SLC10A7: variants seen among roughly 807,000 people sequenced by gnomAD.
SLC10A7 encodes sodium/bile acid cotransporter 7.
A neutral mutation model predicts 43.2 loss-of-function variants in SLC10A7; 29 were observed. The observed-to-expected ratio is 0.67, with a 90% CI of 0.50 to 0.92. SLC10A7 has a LOEUF of 0.92. Ranked by LOEUF, SLC10A7 falls within the 40% of genes least tolerant of loss-of-function variation. SLC10A7 has a pLI of 0.00. For synonymous variants in SLC10A7, 152 were observed against 144.8 expected, an observed-to-expected ratio of 1.05 and a Z score of -0.35; for missense variants, 295 against 403.2, an observed-to-expected ratio of 0.73 and a Z score of 2.30.
intron 5 of SLC10A7, among the ~76,000 whole-genome samples, chr4:146,392,673 T>G (rs1455938994): frequency 6.6e-6 from 1 of 152,160 alleles, no homozygotes; most frequent in Non-Finnish European, 1.5e-5. Context: ...CAAAGGTCCC[T>G]TAAGAGATGA....
At chr4:146,414,255 T>C (rs1728409533) in intron 5 of SLC10A7, among the ~76,000 whole-genome samples, 1 of 152,092 alleles carries the variant, frequency 6.6e-6, no homozygotes, top group Non-Finnish European at 1.5e-5. Context: ...AAATAAGCGT[T>C]AAATAAAACT....
At chr4:146,260,401 T>A (rs1728150604) in intron 10 of SLC10A7, among the ~76,000 whole-genome samples, 1 of 152,184 alleles carries the variant, frequency 6.6e-6, no homozygotes, top group Non-Finnish European at 1.5e-5. Context: ...AGGGAGCAAG[T>A]GATAGAAGTA....
chr4:146,483,984 G>T (rs563659461), intron 4 of SLC10A7, among the ~76,000 whole-genome samples: 5 of 152,178 alleles, frequency 3.3e-5, no homozygotes, highest in Non-Finnish European at 5.9e-5. Flanking sequence ...TATAAAGCAA[G>T]AATTAATGGA....
At chr4:146,335,356 T>A (rs1350241946) in intron 5 of SLC10A7, among the ~76,000 whole-genome samples, 1 of 151,076 alleles carries the variant, frequency 6.6e-6, no homozygotes, top group Non-Finnish European at 1.5e-5. Flanking sequence ...TTGGTGTCAT[T>A]TCCCCTTGTC....
intron 5 of SLC10A7, among the ~76,000 whole-genome samples, chr4:146,438,829 A>G (rs976359146): frequency 3.9e-5 from 6 of 152,056 alleles, no homozygotes; most frequent in Non-Finnish European, 8.8e-5. Flanking sequence ...AAAAATTTCA[A>G]TTAGAATTTT....
intron 5 of SLC10A7, among the ~76,000 whole-genome samples, chr4:146,433,412 T>C (rs976785266): frequency 6.6e-6 from 1 of 152,012 alleles, no homozygotes; most frequent in African/African-American, 2.4e-5. Context: ...TATAATAGAA[T>C]AATTTGAAAT....
chr4:146,286,816 C>CA (rs1338081872), intron 9 of SLC10A7, among the ~76,000 whole-genome samples: 2 of 10,384 alleles, frequency 1.9e-4, no homozygotes, highest in African/African-American at 8.4e-4. Flanking sequence ...GTGAGAAGGA[C>CA]TGTTTGGAGT....
At chr4:146,497,222 A>C (rs369622712) in intron 4 of SLC10A7, among the ~76,000 whole-genome samples, 2 of 152,352 alleles carry the variant, frequency 1.3e-5, no homozygotes, top group East Asian at 3.9e-4. Flanking sequence ...ACAATCAAAA[A>C]ACCACAAATA....
At chr4:146,510,114 C>G (rs1737315468) in intron 2 of SLC10A7, 65 bp from the exon 3 acceptor site, 1 of 1,471,920 alleles carries the variant, frequency 6.8e-7, no homozygotes, top group Non-Finnish European at 9.1e-7. Flanking sequence ...GAGATCCCTA[C>G]TAAAATAACA....
intron 5 of SLC10A7, among the ~76,000 whole-genome samples, chr4:146,403,255 C>A (rs981330367): frequency 5.9e-5 from 9 of 152,096 alleles, no homozygotes; most frequent in African/African-American, 1.9e-4. Flanking sequence ...CAGCCATTTT[C>A]TTTCTGGAAC....
intron 1 of SLC10A7, 21 bp downstream of exon 1, chr4:146,521,597 C>T: frequency 6.3e-7 from 1 of 1,598,658 alleles, no homozygotes. Flanking sequence ...GCGGTGGAGC[C>T]GGCAGAGGTG....
chr4:146,482,308 A>T (rs551918478), intron 4 of SLC10A7, among the ~76,000 whole-genome samples: 2 of 152,354 alleles, frequency 1.3e-5, no homozygotes, highest in South Asian at 4.1e-4. Flanking sequence ...AGGAATTTAA[A>T]AATAATGATC....
chr4:146,369,410 G>T (rs1052438394), intron 5 of SLC10A7, among the ~76,000 whole-genome samples: 1 of 152,062 alleles, frequency 6.6e-6, no homozygotes, highest in Non-Finnish European at 1.5e-5. Context: ...AGTCTTTTTG[G>T]ACAAATATAT....
At chr4:146,292,538 T>C (rs1730508589) in intron 9 of SLC10A7, among the ~76,000 whole-genome samples, 1 of 152,196 alleles carries the variant, frequency 6.6e-6, no homozygotes, top group South Asian at 2.1e-4. Context: ...TGACTCCATT[T>C]TGAATATCTT....
intron 5 of SLC10A7, among the ~76,000 whole-genome samples, chr4:146,397,024 T>A (rs1738879188): frequency 6.6e-6 from 1 of 152,164 alleles, no homozygotes; most frequent in Non-Finnish European, 1.5e-5. Context: ...TCAAATTCCA[T>A]AACATTTGAT....
At position 146,258,816 on chromosome 4, in the gene SLC10A7, ACGATC is replaced by A; in HGVS notation, c.864_868del (p.Lys288AsnfsTer6). The stretch of plus-strand genomic sequence containing the variant: ...AGAGAGATGCTCATGGCCTGCAAAC[ACGATC>A]TTCAGCATCGGAATTCCTGTTGAAC... On this transcript the variant is annotated frameshift_variant, in exon 11 of 12. Coordinates refer to ENST00000335472, the MANE Select transcript of SLC10A7 (RefSeq NM_001029998.6). LOFTEE classifies it high-confidence loss of function. 1 of 1,608,256 alleles carries A rather than the reference ACGATC, an allele frequency of 6.2e-7. No homozygotes were observed. The highest frequency in any genetic ancestry group is 8.5e-7 in the Non-Finnish European group (1 of 1,178,760).
chr4:146,278,040 A>C (rs1040029473), intron 10 of SLC10A7, among the ~76,000 whole-genome samples: 2 of 152,178 alleles, frequency 1.3e-5, no homozygotes, highest in African/African-American at 4.8e-5. Context: ...TCAAATATTT[A>C]TAATACTTGG....
intron 5 of SLC10A7, among the ~76,000 whole-genome samples, chr4:146,412,086 G>A (rs1728234993): frequency 6.6e-6 from 1 of 151,916 alleles, no homozygotes; most frequent in African/African-American, 2.4e-5. Context: ...TCTAACACCT[G>A]CTTCAGTCAG....
chr4:146,403,418 C>T (rs1739356847), intron 5 of SLC10A7, among the ~76,000 whole-genome samples: 1 of 152,114 alleles, frequency 6.6e-6, no homozygotes. Context: ...CTGAAAGTCC[C>T]AGACTAAGAA....
Sources: gnomAD v4.1 joint callset for allele counts (sites outside exome capture counted in the v4.1 genomes callset) on GRCh38, gnomAD v4.1.1 for gene constraint, MANE v1.5 for transcripts, NCBI Gene and HGNC (gene_info 2026-07-23, HGNC 2026-07-21) for gene names.